Variants in CHST9 observed in about 807,000 individuals in gnomAD.
CHST9 encodes the protein GalNAc-4-sulfotransferase 2.
Under a neutral mutation model 44.4 loss-of-function variants are expected in CHST9, and 41 were observed. That is an observed-to-expected ratio of 0.92 (90% CI 0.72 to 1.20). The LOEUF (loss-of-function observed/expected upper bound fraction) is 1.20, where lower values mean the gene tolerates loss of function less well. Ranked by LOEUF, CHST9 falls within the 50% of genes most tolerant of loss-of-function variation. The probability of loss-of-function intolerance (pLI) is 0.00; values close to 1 mark genes in which losing one functional copy is unlikely to be tolerated. For synonymous variants in CHST9, 171 were observed against 178.4 expected, an observed-to-expected ratio of 0.96 and a Z score of 0.33; for missense variants, 504 against 516.5, an observed-to-expected ratio of 0.98 and a Z score of 0.23.
rs1196226617 is a variant in CHST9, at chr18:26,916,710, A to G, written c.881T>C (p.Phe294Ser). The part of the protein sequence containing the change: ...ERLVSAFRDK[F>S]EHPNSYYHPV... ...ATGGTAATAACTATTGGGGTGTTCA[A>G]ATTTGTCCCTAAAGGCTGATACTAA... Residue 294 changes from phenylalanine to serine, a missense_variant, in exon 6 of 6, where the codon TTT becomes TCT. Phe to Ser is a radical substitution (Grantham distance 155, BLOSUM62 -2). Transcript: ENST00000618847. 5.0e-6 allele frequency: 8 copies of G among 1,613,784 alleles called. No individual in the cohort carries two copies. The highest frequency in any genetic ancestry group is 1.1e-5 in the South Asian group (1 of 91,084).
intron 4 of CHST9, among the ~76,000 whole-genome samples, chr18:26,993,835 A>G (rs1218044474): frequency 6.6e-6 from 1 of 152,234 alleles, no homozygotes; most frequent in Non-Finnish European, 1.5e-5. Flanking sequence ...TAGGGCTGTC[A>G]TAACAAAATG....
At chr18:26,987,256 G>C (rs1352169247) in intron 4 of CHST9, among the ~76,000 whole-genome samples, 1 of 152,110 alleles carries the variant, frequency 6.6e-6, no homozygotes, top group Non-Finnish European at 1.5e-5. Flanking sequence ...CATCCCTTAG[G>C]TTTTGGCTCT....
At chr18:27,023,893 T>A (rs74884740) in intron 4 of CHST9, among the ~76,000 whole-genome samples, 1 of 152,202 alleles carries the variant, frequency 6.6e-6, no homozygotes, top group Non-Finnish European at 1.5e-5. Flanking sequence ...GTTTCCTTTG[T>A]AAATCCCTTG....
intron 2 of CHST9, among the ~76,000 whole-genome samples, chr18:27,076,143 CT>C (rs2057901137): frequency 6.6e-6 from 1 of 152,172 alleles, no homozygotes; most frequent in African/African-American, 2.4e-5. Context: ...ATAAAAAGAA[CT>C]TGGTTTCCTT....
At chr18:27,000,918 T>G (rs1011060942) in intron 4 of CHST9, among the ~76,000 whole-genome samples, 3 of 152,172 alleles carry the variant, frequency 2.0e-5, no homozygotes, top group Non-Finnish European at 4.4e-5. Flanking sequence ...AATTGTCTAA[T>G]CACATCTACT....
At chr18:26,986,588 C>T (rs9952294) in intron 4 of CHST9, among the ~76,000 whole-genome samples, 178 of 152,172 alleles carry the variant, frequency 1.2e-3, no homozygotes, top group African/African-American at 4.0e-3. Flanking sequence ...CTCAAGAAAC[C>T]TCAACCACAG....
At position 27,127,736 on chromosome 18, in the gene CHST9, A is replaced by G. The variant is rs558415508; in HGVS notation, c.121+14953T>C. ...GAGACGATGATACAGAAGAGAATAC[A>G]TAGACGATGGGCAAGACCACTGAGG... is the stretch of plus-strand genomic sequence containing the variant. On this transcript the variant is annotated intron_variant, in intron 2 of 5. Coordinates refer to ENST00000618847, the MANE Select transcript of CHST9 (RefSeq NM_031422.6). 2.6e-5 allele frequency among the ~76,000 whole-genome samples: 4 copies of G among 152,330 alleles called. No individual in the cohort carries two copies. The East Asian group carries it at 5.8e-4, about 22-fold the overall frequency.
At chr18:27,130,496 T>C (rs2058462412) in intron 2 of CHST9, among the ~76,000 whole-genome samples, 2 of 152,250 alleles carry the variant, frequency 1.3e-5, no homozygotes, top group South Asian at 4.1e-4. Context: ...ACACTTCTAC[T>C]GTTTTAAGAA....
intron 4 of CHST9, among the ~76,000 whole-genome samples, chr18:26,982,371 A>C (rs2056702333): frequency 6.7e-6 from 1 of 150,060 alleles, no homozygotes; most frequent in Non-Finnish European, 1.5e-5. Flanking sequence ...CTGCTTTGCA[A>C]GTGCCCCTAA....
intron 2 of CHST9, among the ~76,000 whole-genome samples, chr18:27,080,752 T>C (rs908762449): frequency 1.1e-4 from 17 of 152,220 alleles, no homozygotes; most frequent in Admixed American, 1.0e-3. Flanking sequence ...GGAAAGAAGA[T>C]GGGAGAAATG....
Position 26,916,996 on chromosome 18 carries a change from G to C in CHST9, c.595C>G (p.Leu199Val), listed in dbSNP as rs1262203774. Residue 199 changes from leucine (L) to valine (V), a missense_variant, in exon 6 of 6, where the codon CTT becomes GTT. Transcript: ENST00000618847. ...TAGATTCTGGATACTGTATGAAAAA[G>C]ATGTGACTGATGATGACTCACCCCA... is the stretch of plus-strand genomic sequence containing the variant. ...YGGVSHHQSH[L>V]FHTVSRIYVE... is the part of the protein sequence containing the mutation. 6.2e-7 allele frequency: 1 copy of C among 1,613,878 alleles called. No homozygotes were observed.
At chr18:27,130,076 T>G (rs1220392432) in intron 2 of CHST9, among the ~76,000 whole-genome samples, 1 of 152,184 alleles carries the variant, frequency 6.6e-6, no homozygotes, top group Non-Finnish European at 1.5e-5. Context: ...GTTCCAGTTT[T>G]GTTACCTACT....
rs1409617455 is a variant in CHST9, at chr18:26,907,955, T to A, written c.*8304A>T. ...CATTTATATGAGGTATTTTAAGTTATCAAATTCATAGAGACAAAAGGTAGA... is the reference window on the plus strand; with the variant it reads ...CATTTATATGAGGTATTTTAAGTTAACAAATTCATAGAGACAAAAGGTAGA... On this transcript the variant is annotated 3_prime_UTR_variant, in exon 6 of 6. Transcript: ENST00000618847. 1 of 157,502 alleles carries A rather than the reference T, an allele frequency of 6.3e-6. No individual in the cohort carries two copies. Among genetic ancestry groups the A allele is most frequent in the Non-Finnish European group, 1.4e-5 (1 of 71,384 alleles). The allele number at this position is 157,502 out of a possible 1,614,324, so 9.8% of individuals were successfully genotyped here.
chr18:27,069,111 C>T (rs1328805930), intron 2 of CHST9, among the ~76,000 whole-genome samples: 2 of 152,116 alleles, frequency 1.3e-5, no homozygotes, highest in Non-Finnish European at 2.9e-5. Flanking sequence ...ATTTTAAGCT[C>T]TTACTATCAG....
At chr18:27,122,371 C>A (rs1014591332) in intron 2 of CHST9, among the ~76,000 whole-genome samples, 1 of 152,124 alleles carries the variant, frequency 6.6e-6, no homozygotes, top group African/African-American at 2.4e-5. Flanking sequence ...ATATTGCATT[C>A]TATTGTGAGT....
intron 2 of CHST9, among the ~76,000 whole-genome samples, chr18:27,050,001 C>A (rs1404424704): frequency 6.6e-6 from 1 of 152,072 alleles, no homozygotes; most frequent in Non-Finnish European, 1.5e-5. Context: ...TACCACAAAT[C>A]AAGTTTTAGA....
chr18:27,081,369 A>AC lies in CHST9; in HGVS notation c.122-32867_122-32866insG, dbSNP rs2057959276. 3.3e-5 allele frequency among the ~76,000 whole-genome samples: 5 copies of AC among 152,290 alleles called. No individual in the cohort carries two copies. In the South Asian group the frequency reaches 1.0e-3, roughly 32 times the overall value. On this transcript the variant is annotated intron_variant, in intron 2 of 5. Transcript: ENST00000618847. ...AAAAAACAAAAAAGAAGAAAAGAAA[A>AC]GAAAAAAGAATCAACATCAGACGAA...
rs929493606 is a variant in CHST9 at position 26,909,365 on chromosome 18, G to C, written c.*6894C>G. 1.3e-5 allele frequency: 2 copies of C among 152,164 alleles called. No individual in the cohort carries two copies. Among genetic ancestry groups the C allele is most frequent in the African/African-American group, 4.8e-5 (2 of 41,442 alleles). The allele number at this position is 152,164 out of a possible 1,614,324, so 9.4% of individuals were successfully genotyped here. Reference sequence around the variant, plus strand: ...AGATTATTAAAAAGGAAATTTTCAGGTGGTTTTCATAGAGATTCCAATTCT... The same window carrying C: ...AGATTATTAAAAAGGAAATTTTCAGCTGGTTTTCATAGAGATTCCAATTCT... On this transcript the variant is annotated 3_prime_UTR_variant, in exon 6 of 6. Transcript: ENST00000618847.
At chr18:26,989,835 G>A (rs1362193455) in intron 4 of CHST9, among the ~76,000 whole-genome samples, 9 of 151,928 alleles carry the variant, frequency 5.9e-5, no homozygotes, top group African/African-American at 1.5e-4. Flanking sequence ...CTGTAATCCT[G>A]GCTACTCAGG....
Sources: allele counts gnomAD v4.1 joint callset (sites outside exome capture counted in the v4.1 genomes callset), GRCh38; gene constraint gnomAD v4.1.1; transcripts MANE v1.5; gene names NCBI Gene and HGNC (gene_info 2026-07-23, HGNC 2026-07-21).